The following ACVR2A variants were observed in gnomAD, a reference collection of about 807,000 sequenced individuals.
The protein encoded by ACVR2A is activin A receptor type 2A.
Under a neutral mutation model 61.4 loss-of-function variants are expected in ACVR2A, and 7 were observed. The ratio of observed to expected loss-of-function variants is 0.11; its 90% CI spans 0.06 to 0.21. The LOEUF is 0.21. Ranked by LOEUF, ACVR2A falls within the 10% of genes least tolerant of loss-of-function variation. The pLI, the probability that ACVR2A is intolerant of heterozygous loss-of-function variation, is 1.00. For synonymous variants in ACVR2A, 193 were observed against 208.3 expected (o/e 0.93, Z 0.63); for missense variants, 322 against 621.7 (o/e 0.52, Z 5.13).
chr2:147,911,720 A>G (rs1419250082), intron 4 of ACVR2A, among the ~76,000 whole-genome samples: 1 of 152,030 alleles, frequency 6.6e-6, no homozygotes, highest in Non-Finnish European at 1.5e-5. Flanking sequence ...CAGCTTTTAT[A>G]ATTAAAATGT....
At chr2:147,862,602 G>A (rs1023951655) in intron 1 of ACVR2A, among the ~76,000 whole-genome samples, 1 of 151,922 alleles carries the variant, frequency 6.6e-6, no homozygotes, top group African/African-American at 2.4e-5. Flanking sequence ...AAATTAGCCG[G>A]GTGTGGTAGC....
intron 10 of ACVR2A, among the ~76,000 whole-genome samples, chr2:147,926,489 A>G (rs114363138): frequency 3.4e-3 from 520 of 152,072 alleles, no homozygotes; most frequent in East Asian, 8.3e-3. Context: ...ACCACTTCCA[A>G]TATGACAACA....
Position 147,915,242 on chromosome 2 carries a change from T to C in ACVR2A, c.580T>C (p.Leu194=). 1 of 1,612,212 alleles carries C rather than the reference T, an allele frequency of 6.2e-7. No homozygotes were observed. The highest frequency in any genetic ancestry group is 8.5e-7 in the Non-Finnish European group (1 of 1,178,662). The change falls in exon 5 of 11, where the codon TTA becomes CTA. Residue 194 remains leucine (L), a synonymous_variant. Coordinates refer to ENST00000241416, the MANE Select transcript of ACVR2A (RefSeq NM_001616.5). ...ATTACTAGGTTTGAAACCACTGCAGTTATTAGAAGTGAAAGCAAGGGGAAG... is the reference window on the plus strand; with the variant it reads ...ATTACTAGGTTTGAAACCACTGCAGCTATTAGAAGTGAAAGCAAGGGGAAG... The part of the protein sequence containing the change: ...SPLLGLKPLQ[L]LEVKARGRFG...
At chr2:147,883,175 G>GT (rs915247326) in intron 1 of ACVR2A, among the ~76,000 whole-genome samples, 1 of 151,906 alleles carries the variant, frequency 6.6e-6, no homozygotes, top group African/African-American at 2.4e-5. Context: ...AGTAAAATGA[G>GT]TTTTTTTGTT....
Position 147,929,708 on chromosome 2 carries a change from GA to G in ACVR2A, c.*2437del, listed in dbSNP as rs889711058. On this transcript the variant is annotated 3_prime_UTR_variant, in exon 11 of 11. Transcript: ENST00000241416. ...TCAGTGCAGAGTGGGCAAGTTAACA[GA>G]AAGTTTGAGCTAGAGATACTGGAAA... is the stretch of plus-strand genomic sequence containing the variant. The G allele has an allele frequency of 4.8e-4, 73 of 152,136 alleles. No homozygotes were observed. The highest frequency in any genetic ancestry group is 1.7e-3 in the African/African-American group (72 of 41,332). The allele number at this position is 152,136 out of a possible 1,614,324, so 9.4% of individuals were successfully genotyped here.
chr2:147,925,924 A>G, intron 9 of ACVR2A, 107 bp from the exon 10 acceptor site: 1 of 1,147,158 alleles, frequency 8.7e-7, no homozygotes, highest in Non-Finnish European at 1.2e-6. Flanking sequence ...CATAGCATGT[A>G]AACAGTTGGG....
Position 147,918,585 on chromosome 2 carries a change from T to A in ACVR2A, c.955T>A (p.Ser319Thr). ...AAAAGATGGCCACAAACCTGCCATA[T>A]CTCACAGGTAGACTAAATTTATATT... ...GLKDGHKPAISHRDIKSKNVL... is the reference protein window; with the variant it reads ...GLKDGHKPAITHRDIKSKNVL... Residue 319 changes from serine (S) to threonine (T), a missense_variant, in exon 7 of 11, where the codon TCT becomes ACT. Ser to Thr is a moderately conservative substitution (Grantham distance 58, BLOSUM62 1). This residue lies in a region of ACVR2A where 146 missense variants were observed against 383.8 expected (regional missense o/e 0.38). Transcript: ENST00000241416. 6.2e-7 allele frequency: 1 copy of A among 1,601,506 alleles called. No individual in the cohort carries two copies. The highest frequency in any genetic ancestry group is 8.5e-7 in the Non-Finnish European group (1 of 1,175,760).
At chr2:147,912,313 T>A (rs917734727) in intron 4 of ACVR2A, among the ~76,000 whole-genome samples, 2 of 152,016 alleles carry the variant, frequency 1.3e-5, no homozygotes, top group African/African-American at 2.4e-5. Flanking sequence ...AGAAATGTAA[T>A]CAGAACTGTG....
intron 1 of ACVR2A, among the ~76,000 whole-genome samples, chr2:147,872,773 G>C (rs1686056305): frequency 6.6e-6 from 1 of 151,662 alleles, no homozygotes; most frequent in Non-Finnish European, 1.5e-5. Context: ...TCTTTCTATA[G>C]TTTCCAGGAT....
At chr2:147,877,188 C>T (rs1253963923) in intron 1 of ACVR2A, among the ~76,000 whole-genome samples, 4 of 152,060 alleles carry the variant, frequency 2.6e-5, no homozygotes, top group Non-Finnish European at 5.9e-5. Flanking sequence ...CTTTTGGTAT[C>T]TTTCAGTGGC....
At chr2:147,846,965 T>C (rs560953563) in intron 1 of ACVR2A, among the ~76,000 whole-genome samples, 16 of 152,240 alleles carry the variant, frequency 1.1e-4, no homozygotes, top group Admixed American at 3.3e-4. Context: ...TTGAGCAGTC[T>C]CAAGGTATTA....
intron 1 of ACVR2A, among the ~76,000 whole-genome samples, chr2:147,857,424 A>G (rs1330337313): frequency 6.6e-6 from 1 of 151,956 alleles, no homozygotes; most frequent in Admixed American, 6.6e-5. Flanking sequence ...TCTGTTATAG[A>G]TAATAGAACC....
chr2:147,919,460 GA>G (rs1687328804), intron 7 of ACVR2A, among the ~76,000 whole-genome samples: 1 of 152,130 alleles, frequency 6.6e-6, no homozygotes, highest in African/African-American at 2.4e-5. Context: ...AAAGTCTTTT[GA>G]AACTAAGATC....
chr2:147,845,012 T>G (rs1477347574), upstream of ACVR2A: 21 of 189,824 alleles, frequency 1.1e-4, no homozygotes, highest in African/African-American at 4.3e-4. Context: ...TTTTTTTTTT[T>G]TTTTTTTTTT....
intron 10 of ACVR2A, among the ~76,000 whole-genome samples, chr2:147,926,603 C>CTA (rs1183041298): frequency 6.6e-6 from 1 of 151,882 alleles, no homozygotes. Flanking sequence ...TGCTTTAAAA[C>CTA]TATAGAGACC....
chr2:147,874,292 C>G (rs1470113699), intron 1 of ACVR2A, among the ~76,000 whole-genome samples: 1 of 151,796 alleles, frequency 6.6e-6, no homozygotes, highest in Admixed American at 6.6e-5. Context: ...GCAGAAACAC[C>G]TACTTCATAG....
At position 147,845,165 on chromosome 2, in the gene ACVR2A, G is replaced by C; in HGVS notation, c.13G>C (p.Ala5Pro). 3 of 1,613,552 alleles carry C rather than the reference G, an allele frequency of 1.9e-6. No homozygotes were observed. The highest frequency in any genetic ancestry group is 2.5e-6 in the Non-Finnish European group (3 of 1,179,922). ...GCGCCTCGGGAAAATGGGAGCTGCT[G>C]CAAAGTTGGCGTTTGCCGTCTTTCT... MGAA[A>P]KLAFAVFLIS... The change falls in exon 1 of 11, where the codon GCA becomes CCA. Residue 5 changes from alanine (A) to proline (P), a missense_variant. Ala to Pro is a conservative substitution (Grantham distance 27, BLOSUM62 -1). Around this residue, in one of 3 missense-constraint regions of ACVR2A, gnomAD observed 142 missense variants for 200.3 expected, o/e 0.71. Transcript: ENST00000241416.
intron 1 of ACVR2A, among the ~76,000 whole-genome samples, chr2:147,851,855 A>T (rs891543630): frequency 6.6e-6 from 1 of 152,034 alleles, no homozygotes; most frequent in Non-Finnish European, 1.5e-5. Context: ...GTGCTCAGCA[A>T]ATGTTTATTA....
intron 1 of ACVR2A, among the ~76,000 whole-genome samples, chr2:147,869,929 G>A (rs1159476722): frequency 6.6e-6 from 1 of 152,076 alleles, no homozygotes; most frequent in East Asian, 1.9e-4. Flanking sequence ...TATGTTTGCA[G>A]TGTAGGGTTT....
Sources: gnomAD v4.1 joint callset for allele counts (sites outside exome capture counted in the v4.1 genomes callset) on GRCh38, gnomAD v4.1.1 for gene constraint, gnomAD v4.1.1 regional missense constraint, MANE v1.5 for transcripts, NCBI Gene and HGNC (gene_info 2026-07-23, HGNC 2026-07-21) for gene names.